Variants in CLEC16A observed in about 807,000 individuals in gnomAD.
CLEC16A encodes protein CLEC16A.
A neutral mutation model predicts 109.5 loss-of-function variants in CLEC16A; 51 were observed. That is an observed-to-expected ratio of 0.47 (90% CI 0.37 to 0.59). The LOEUF (loss-of-function observed/expected upper bound fraction) is 0.59, where lower values mean the gene tolerates loss of function less well. Ranked by LOEUF, CLEC16A falls within the 20% of genes least tolerant of loss-of-function variation. The pLI, the probability that CLEC16A is intolerant of heterozygous loss-of-function variation, is 0.00. For synonymous variants in CLEC16A, 673 were observed against 564.2 expected (o/e 1.19, Z -2.73); for missense variants, 1,339 against 1,394.0 (o/e 0.96, Z 0.63).
At chr16:10,945,712 G>T (rs966267691) in intron 1 of CLEC16A, among the ~76,000 whole-genome samples, 1 of 152,346 alleles carries the variant, frequency 6.6e-6, no homozygotes, top group East Asian at 1.9e-4. Context: ...GTGGCCAGTA[G>T]TGGTAGCTGT....
chr16:11,043,373 G>A (rs541380817), intron 15 of CLEC16A, among the ~76,000 whole-genome samples: 34 of 152,202 alleles, frequency 2.2e-4, no homozygotes, highest in African/African-American at 7.2e-4. Flanking sequence ...TTGTACCACC[G>A]CACTCCAGCC....
intron 20 of CLEC16A, 66 bp from the exon 21 acceptor site, chr16:11,123,676 C>T: frequency 6.6e-7 from 1 of 1,505,170 alleles, no homozygotes; most frequent in Non-Finnish European, 9.2e-7. Flanking sequence ...CTCATGATGC[C>T]ACAGCTCCTA....
chr16:11,134,695 G>T (rs530828636), intron 22 of CLEC16A, among the ~76,000 whole-genome samples: 1 of 152,190 alleles, frequency 6.6e-6, no homozygotes, highest in Non-Finnish European at 1.5e-5. Context: ...TGTTTCCTTT[G>T]AGTGTCATGT....
chr16:10,994,896 G>A (rs1007678423), intron 10 of CLEC16A, among the ~76,000 whole-genome samples: 2 of 152,182 alleles, frequency 1.3e-5, no homozygotes, highest in South Asian at 4.1e-4. Context: ...ACGTTGGGAG[G>A]TGCAGCAAAT....
chr16:11,095,228 G>A (rs952195401), intron 19 of CLEC16A, among the ~76,000 whole-genome samples: 1 of 152,074 alleles, frequency 6.6e-6, no homozygotes, highest in Admixed American at 6.5e-5. Flanking sequence ...TTTCTAGGTC[G>A]TGCTTTTAGA....
intron 22 of CLEC16A, among the ~76,000 whole-genome samples, chr16:11,149,305 AT>A (rs1255526886): frequency 2.6e-5 from 4 of 152,180 alleles, no homozygotes; most frequent in African/African-American, 4.8e-5. Context: ...CGTTGTATTA[AT>A]TTTTGTGCAT....
intron 23 of CLEC16A, among the ~76,000 whole-genome samples, chr16:11,168,291 C>A (rs182311543): frequency 1.3e-5 from 2 of 152,314 alleles, no homozygotes; most frequent in East Asian, 3.9e-4. Context: ...CCATCCCCTG[C>A]ATGGTACCAG....
At chr16:11,112,212 T>C (rs1363821084) in intron 19 of CLEC16A, among the ~76,000 whole-genome samples, 1 of 152,118 alleles carries the variant, frequency 6.6e-6, no homozygotes, top group Non-Finnish European at 1.5e-5. Context: ...AAATGCACAG[T>C]GGACAGGCAA....
At chr16:11,160,422 C>T (rs1436187928) in intron 22 of CLEC16A, among the ~76,000 whole-genome samples, 1 of 152,130 alleles carries the variant, frequency 6.6e-6, no homozygotes, top group African/African-American at 2.4e-5. Context: ...TGGTTTCTAC[C>T]CAAAAAGTCC....
intron 19 of CLEC16A, among the ~76,000 whole-genome samples, chr16:11,083,148 G>T (rs541613228): frequency 3.7e-4 from 54 of 147,548 alleles, no homozygotes; most frequent in African/African-American, 1.1e-3. Context: ...TGTTGTTGTT[G>T]TTGTTTGTTT....
intron 19 of CLEC16A, among the ~76,000 whole-genome samples, chr16:11,071,549 T>C (rs2049069969): frequency 6.6e-6 from 1 of 151,870 alleles, no homozygotes; most frequent in Admixed American, 6.6e-5. Context: ...ACTGAAGACA[T>C]TTGCATATGG....
chr16:11,093,727 G>A (rs992770377), intron 19 of CLEC16A, among the ~76,000 whole-genome samples: 1 of 152,202 alleles, frequency 6.6e-6, no homozygotes, highest in Non-Finnish European at 1.5e-5. Context: ...GGTAGAAGGC[G>A]AGCCAGGATA....
At chr16:11,051,004 T>C (rs1437479345) in intron 17 of CLEC16A, among the ~76,000 whole-genome samples, 1 of 152,076 alleles carries the variant, frequency 6.6e-6, no homozygotes, top group Non-Finnish European at 1.5e-5. Context: ...TCTCTGAGAC[T>C]GTGTTCCCTC....
chr16:11,145,568 T>C (rs1228304237), intron 22 of CLEC16A, among the ~76,000 whole-genome samples: 4 of 152,256 alleles, frequency 2.6e-5, no homozygotes, highest in African/African-American at 4.8e-5. Flanking sequence ...TTTAGGGCCA[T>C]ATGGTCTCTG....
At chr16:11,160,003 G>T (rs980800551) in intron 22 of CLEC16A, among the ~76,000 whole-genome samples, 4 of 152,124 alleles carry the variant, frequency 2.6e-5, no homozygotes, top group African/African-American at 9.7e-5. Flanking sequence ...GAGTTGAGTG[G>T]AGAATCCCCA....
intron 19 of CLEC16A, among the ~76,000 whole-genome samples, chr16:11,112,495 CAAAAA>C (rs984574100): frequency 1.8e-4 from 15 of 85,596 alleles, no homozygotes; most frequent in African/African-American, 5.5e-4. Context: ...CCTATCTCTA[CAAAAA>C]AAAAAAAAAA....
chr16:11,038,183 A>G (rs1271391091), intron 13 of CLEC16A, among the ~76,000 whole-genome samples: 1 of 152,196 alleles, frequency 6.6e-6, no homozygotes, highest in Non-Finnish European at 1.5e-5. Flanking sequence ...TTCTTATTAC[A>G]TCAATGTGCA....
intron 19 of CLEC16A, among the ~76,000 whole-genome samples, chr16:11,112,530 G>A (rs1226640378): frequency 1.4e-5 from 2 of 147,690 alleles, no homozygotes; most frequent in African/African-American, 2.5e-5. Flanking sequence ...ACCCAGGAAT[G>A]ATGGCACACC....
At chr16:10,979,234 C>T in intron 8 of CLEC16A, 95 bp from the exon 9 acceptor site, 1 of 1,183,798 alleles carries the variant, frequency 8.4e-7, no homozygotes. Flanking sequence ...GACAGGACGC[C>T]TTTGTTCACA....
Sources: allele counts gnomAD v4.1 joint callset (sites outside exome capture counted in the v4.1 genomes callset), GRCh38; gene constraint gnomAD v4.1.1; transcripts MANE v1.5; gene names NCBI Gene and HGNC (gene_info 2026-07-23, HGNC 2026-07-21).